The following REG4 variants were observed in gnomAD, a reference collection of about 807,000 sequenced individuals.
REG4 encodes the protein regenerating islet-derived protein 4.
In REG4, 16 loss-of-function variants were observed where a neutral mutation model predicts 22.3. The ratio of observed to expected loss-of-function variants is 0.72; its 90% CI spans 0.49 to 1.09. The LOEUF is 1.09. Among genes scored for constraint, REG4 ranks in the 50% least tolerant of loss-of-function variants. The pLI, the probability that REG4 is intolerant of heterozygous loss-of-function variation, is 0.00. For synonymous variants in REG4, 71 were observed against 69.2 expected, an observed-to-expected ratio of 1.03 and a Z score of -0.13; for missense variants, 214 against 193.9, an observed-to-expected ratio of 1.10 and a Z score of -0.61.
Position 119,799,936 on chromosome 1 carries a change from T to A in REG4, c.166-74A>T. On this transcript the variant is annotated intron_variant, in intron 3 of 5. Transcript: ENST00000256585. ...CAGCCCTCCCCTCAGAACGCTAGCG[T>A]GCCAAGAAGGAGGGACTCACGCAGC... is the stretch of plus-strand genomic sequence containing the variant. 3.8e-6 allele frequency: 6 copies of A among 1,567,846 alleles called. No homozygotes were observed. The South Asian group carries it at 7.0e-5, about 18-fold the overall frequency.
intron 1 of REG4, 106 bp downstream of exon 1, chr1:119,811,303 A>C (rs1382320315): frequency 2.0e-5 from 3 of 152,238 alleles, no homozygotes; most frequent in Non-Finnish European, 2.9e-5. Flanking sequence ...AAGCCTGACA[A>C]GCCTCACTAG....
At chr1:119,808,177 A>G (rs1571073107) in intron 2 of REG4, among the ~76,000 whole-genome samples, 1 of 152,206 alleles carries the variant, frequency 6.6e-6, no homozygotes, top group South Asian at 2.1e-4. Flanking sequence ...TCACTCGTAC[A>G]CTGTTCCTCC....
At chr1:119,802,801 G>A in intron 3 of REG4, 1 of 1,490,878 alleles carries the variant, frequency 6.7e-7, no homozygotes, top group Non-Finnish European at 8.9e-7. Context: ...TACTGACAGT[G>A]AGCTTGCTGA....
At chr1:119,805,622 T>C (rs1206092545) in intron 2 of REG4, among the ~76,000 whole-genome samples, 2 of 152,012 alleles carry the variant, frequency 1.3e-5, no homozygotes, top group Non-Finnish European at 2.9e-5. Flanking sequence ...CTGTCTCTCT[T>C]TGTGTTTCTC....
At chr1:119,809,752 C>A (rs927453159) in intron 1 of REG4, among the ~76,000 whole-genome samples, 1 of 151,938 alleles carries the variant, frequency 6.6e-6, no homozygotes, top group Admixed American at 6.5e-5. Context: ...CATTTTAATA[C>A]CCTTTGTTAA....
intron 4 of REG4, among the ~76,000 whole-genome samples, chr1:119,799,408 G>A (rs938303905): frequency 1.2e-4 from 6 of 51,026 alleles, no homozygotes; most frequent in African/African-American, 5.4e-4. Flanking sequence ...GCCTGTGTGC[G>A]TACACACACA....
rs1175373616 is a variant in REG4, at chr1:119,794,045, T to G, written c.*573A>C. 5 of 506,062 alleles carry G rather than the reference T, an allele frequency of 9.9e-6. No individual in the cohort carries two copies. In the Admixed American group the frequency reaches 9.9e-5, roughly 10 times the overall value. The allele number at this position is 506,062 out of a possible 1,614,324, so 31.3% of individuals were successfully genotyped here. ...GGTGTATTTCTTGGTCTTATTTCACTTTTCCACATTCACCATTACTGAACT... is the reference window on the plus strand; with the variant it reads ...GGTGTATTTCTTGGTCTTATTTCACGTTTCCACATTCACCATTACTGAACT... On this transcript the variant is annotated 3_prime_UTR_variant, in exon 6 of 6. Coordinates refer to ENST00000256585, the MANE Select transcript of REG4 (RefSeq NM_032044.4).
At chr1:119,802,277 G>A (rs2282403) in intron 3 of REG4, 485,812 of 928,142 alleles carry the variant, frequency 0.52, 129,136 homozygotes, top group East Asian at 0.77. Context: ...CTGTTTAAAT[G>A]TCGCAATCCT....
chr1:119,808,615 T>A (rs757697564), intron 2 of REG4, 88 bp downstream of exon 2: 103 of 933,862 alleles, frequency 1.1e-4, no homozygotes, highest in Non-Finnish European at 1.2e-4. Context: ...AGTTCCTAAA[T>A]GTTTTTGTGG....
intron 4 of REG4, among the ~76,000 whole-genome samples, chr1:119,799,032 C>G (rs1557760262): frequency 6.6e-6 from 1 of 151,956 alleles, no homozygotes; most frequent in Non-Finnish European, 1.5e-5. Context: ...AAAGGATGGA[C>G]ACATACATAT....
At chr1:119,810,798 A>C (rs1213273064) in intron 1 of REG4, among the ~76,000 whole-genome samples, 2 of 152,200 alleles carry the variant, frequency 1.3e-5, no homozygotes, top group East Asian at 3.9e-4. Flanking sequence ...CATGGCTGAA[A>C]TCCCAGCACT....
intron 2 of REG4, among the ~76,000 whole-genome samples, chr1:119,804,287 C>T (rs1374198909): frequency 1.3e-5 from 2 of 152,172 alleles, no homozygotes; most frequent in African/African-American, 2.4e-5. Context: ...TTATTTCAGC[C>T]CCTGCCTATG....
rs144159724 is a variant in REG4, at chr1:119,795,563, G to A, written c.410-878C>T. Among the ~76,000 whole-genome samples the A allele has an allele frequency of 7.9e-5, 12 of 152,348 alleles. 1 individual carries two copies. Among genetic ancestry groups the A allele is most frequent in the African/African-American group, 2.9e-4 (12 of 41,580 alleles). On this transcript the variant is annotated intron_variant, in intron 5 of 5. Transcript: ENST00000256585. The stretch of plus-strand genomic sequence containing the variant: ...CTCCACAGCATCACTTGTCTTCCAT[G>A]GGTGTCTGCAGCAGAGCGAGGAGTT...
chr1:119,797,588 C>T (rs1653970689), intron 5 of REG4, among the ~76,000 whole-genome samples: 1 of 152,214 alleles, frequency 6.6e-6, no homozygotes, highest in Non-Finnish European at 1.5e-5. Flanking sequence ...CCTGGTGTCA[C>T]TATGATGGCC....
Position 119,794,353 on chromosome 1 carries a change from G to T in REG4, c.*265C>A. The T allele has an allele frequency of 1.7e-6, 1 of 594,036 alleles. No homozygotes were observed. The highest frequency in any genetic ancestry group is 3.1e-6 in the Non-Finnish European group (1 of 319,012). 36.8% of individuals were successfully genotyped at this position (594,036 alleles called of 1,614,324 possible). A position where few individuals can be genotyped will look rare whatever the true frequency, so the allele number is the denominator to read the frequency against. ...CATAGGCTGGAGATGCACTCTTCTAGACTGCTCGAGACAGCCAGAGACAGG... is the reference window on the plus strand; with the variant it reads ...CATAGGCTGGAGATGCACTCTTCTATACTGCTCGAGACAGCCAGAGACAGG... On this transcript the variant is annotated 3_prime_UTR_variant, in exon 6 of 6. Transcript: ENST00000256585.
chr1:119,808,890 G>A (rs1654410033), intron 1 of REG4, 27 bp from the exon 2 acceptor site: 1 of 603,864 alleles, frequency 1.7e-6, no homozygotes, highest in Non-Finnish European at 2.9e-6. Context: ...AGGTGAGAAG[G>A]ACCCAGGAAT....
chr1:119,798,233 A>G (rs587638549), intron 5 of REG4, among the ~76,000 whole-genome samples: 1 of 152,244 alleles, frequency 6.6e-6, no homozygotes, highest in Non-Finnish European at 1.5e-5. Context: ...TGTATTTCAG[A>G]AAAAAAATGA....
In REG4 at chr1:119,794,630, C is replaced by G. The variant is rs144957092; in HGVS notation, c.465G>C (p.Lys155Asn). Reference protein sequence around the residue: ...ECNKRQHFLCKYRP With the variant: ...ECNKRQHFLCNYRP ...CTTGATTCTTGCTCTATGGTCGGTACTTGCACAGGAAGTGTTGGCGCTTGT... is the reference window on the plus strand; with the variant it reads ...CTTGATTCTTGCTCTATGGTCGGTAGTTGCACAGGAAGTGTTGGCGCTTGT... Residue 155 changes from lysine to asparagine, a missense_variant, in exon 6 of 6, where the codon AAG becomes AAC. By Grantham distance (94) the Lys-to-Asn change is moderately conservative. Transcript: ENST00000256585. 1 of 1,613,998 alleles carries G rather than the reference C, an allele frequency of 6.2e-7. No homozygotes were observed. Among genetic ancestry groups the G allele is most frequent in the African/African-American group, 1.3e-5 (1 of 74,932 alleles).
At chr1:119,800,896 A>T (rs1279392959) in intron 3 of REG4, among the ~76,000 whole-genome samples, 1 of 152,172 alleles carries the variant, frequency 6.6e-6, no homozygotes, top group Non-Finnish European at 1.5e-5. Flanking sequence ...ATATGTAACT[A>T]TCTGCTTTGT....
Sources: allele counts gnomAD v4.1 joint callset (sites outside exome capture counted in the v4.1 genomes callset), GRCh38; gene constraint gnomAD v4.1.1; transcripts MANE v1.5; gene names NCBI Gene and HGNC (gene_info 2026-07-23, HGNC 2026-07-21).